The following SLC24A3 variants were observed in gnomAD, a reference collection of about 807,000 sequenced individuals.
SLC24A3 encodes the protein sodium/potassium/calcium exchanger 3.
SLC24A3 carries 28 observed loss-of-function variants against 75.8 expected under a neutral mutation model. The observed-to-expected ratio is 0.37, with a 90% CI of 0.27 to 0.51. SLC24A3 has a LOEUF of 0.51. Among genes scored for constraint, SLC24A3 ranks in the 20% least tolerant of loss-of-function variants. SLC24A3 has a pLI of 0.94. For synonymous variants in SLC24A3, 372 were observed against 334.1 expected, an observed-to-expected ratio of 1.11 and a Z score of -1.24; for missense variants, 663 against 847.8, an observed-to-expected ratio of 0.78 and a Z score of 2.71.
At chr20:19,377,982 G>A (rs565372855) in intron 2 of SLC24A3, among the ~76,000 whole-genome samples, 4 of 152,310 alleles carry the variant, frequency 2.6e-5, no homozygotes, top group East Asian at 1.9e-4. Flanking sequence ...AGTGACAGCC[G>A]AGGAGCTTTT....
chr20:19,536,572 A>G (rs1234168939), intron 3 of SLC24A3, among the ~76,000 whole-genome samples: 2 of 152,226 alleles, frequency 1.3e-5, no homozygotes, highest in Admixed American at 6.5e-5. Flanking sequence ...TGCCAAGTCA[A>G]TCCTAAGCCA....
intron 6 of SLC24A3, among the ~76,000 whole-genome samples, chr20:19,635,545 C>T (rs993952744): frequency 6.6e-6 from 1 of 152,220 alleles, no homozygotes; most frequent in Admixed American, 6.5e-5. Flanking sequence ...CTCAGTGATT[C>T]TGTGGGCCAA....
intron 3 of SLC24A3, among the ~76,000 whole-genome samples, chr20:19,570,272 C>G (rs752734886): frequency 2.0e-5 from 3 of 152,108 alleles, no homozygotes; most frequent in African/African-American, 7.2e-5. Flanking sequence ...AGAATAGCAT[C>G]GGAGATGTCT....
At chr20:19,428,012 G>A (rs1473456680) in intron 2 of SLC24A3, among the ~76,000 whole-genome samples, 2 of 152,166 alleles carry the variant, frequency 1.3e-5, no homozygotes, top group African/African-American at 4.8e-5. Context: ...GCGTTGCTGT[G>A]CTCCTCATAT....
chr20:19,718,498 A>G (rs2033065616), intron 16 of SLC24A3, among the ~76,000 whole-genome samples: 1 of 152,198 alleles, frequency 6.6e-6, no homozygotes. Flanking sequence ...AGGTTCACTA[A>G]GATCAACCTA....
intron 6 of SLC24A3, among the ~76,000 whole-genome samples, chr20:19,616,958 C>T (rs1234231185): frequency 6.6e-6 from 1 of 152,202 alleles, no homozygotes; most frequent in Non-Finnish European, 1.5e-5. Flanking sequence ...CCTACTCTTT[C>T]TTTCATCCAT....
intron 7 of SLC24A3, among the ~76,000 whole-genome samples, chr20:19,654,738 C>G (rs2032246904): frequency 1.3e-5 from 2 of 151,018 alleles, no homozygotes; most frequent in Non-Finnish European, 2.9e-5. Flanking sequence ...AGCTCCGCCT[C>G]CCGGGTCCCA....
chr20:19,720,996 C>A lies in SLC24A3; in HGVS notation c.1791C>A (p.Phe597Leu), dbSNP rs148467681. The change falls in exon 17 of 17, where the codon TTC (phenylalanine) becomes TTA (leucine). Residue 597 changes from phenylalanine to leucine, a missense_variant. Around this residue, in one of 2 missense-constraint regions of SLC24A3, gnomAD observed 510 missense variants for 703.6 expected, o/e 0.72. Transcript: ENST00000328041. ...ACCTGTTCTGTGCCCTGCAGGTGTTCGGCGTCCACCTGAACAAGTGGCAGC... is the reference window on the plus strand; with the variant it reads ...ACCTGTTCTGTGCCCTGCAGGTGTTAGGCGTCCACCTGAACAAGTGGCAGC... ...LLLASVFVTV[F>L]GVHLNKWQLD... The A allele has an allele frequency of 1.2e-6, 2 of 1,613,596 alleles. No individual in the cohort carries two copies. Among genetic ancestry groups the A allele is most frequent in the Non-Finnish European group, 1.7e-6 (2 of 1,179,924 alleles).
At position 19,682,001 on chromosome 20, in the gene SLC24A3, G is replaced by A. The variant is rs771383101; in HGVS notation, c.901+10G>A. 1.1e-5 allele frequency: 17 copies of A among 1,613,256 alleles called. No individual in the cohort carries two copies. The South Asian group carries it at 1.6e-4, about 16-fold the overall frequency. On this transcript the variant is annotated intron_variant, in intron 10 of 16. Transcript: ENST00000328041. ...GTGCTACTTAAGAAAGGTAACCAAG[G>A]AGAGCACTTTGGGGTCCAAGGCAGG...
intron 1 of SLC24A3, among the ~76,000 whole-genome samples, chr20:19,264,902 GT>G (rs1169884655): frequency 6.6e-6 from 1 of 152,110 alleles, no homozygotes; most frequent in Non-Finnish European, 1.5e-5. Context: ...TCCTGGTCTT[GT>G]TACCAGTGGC....
intron 3 of SLC24A3, among the ~76,000 whole-genome samples, chr20:19,532,591 G>A (rs955059248): frequency 4.6e-5 from 7 of 152,178 alleles, no homozygotes; most frequent in Non-Finnish European, 4.4e-5. Flanking sequence ...CCAAGCATCC[G>A]TTTTGCTACC....
intron 2 of SLC24A3, among the ~76,000 whole-genome samples, chr20:19,492,713 AT>A (rs972592227): frequency 5.3e-5 from 8 of 152,164 alleles, no homozygotes; most frequent in Non-Finnish European, 7.4e-5. Flanking sequence ...CAAAAACTGT[AT>A]TTTTTGAAGC....
intron 2 of SLC24A3, among the ~76,000 whole-genome samples, chr20:19,346,425 G>GTA (rs1985431489): frequency 6.8e-6 from 1 of 146,054 alleles, no homozygotes; most frequent in Non-Finnish European, 1.5e-5. Flanking sequence ...TATGGTGTGT[G>GTA]TATATATGGT....
chr20:19,685,300 T>A lies in SLC24A3; in HGVS notation c.1263T>A (p.Asp421Glu). ...ATGAAAATGAGGACAATGAGAATGATGAGGAGGAAGAGGAGGACGAGGATG... is the reference window on the plus strand; with the variant it reads ...ATGAAAATGAGGACAATGAGAATGAAGAGGAGGAAGAGGAGGACGAGGATG... Reference protein sequence around the residue: ...TENENEDNENDEEEEEDEDDD... With the variant: ...TENENEDNENEEEEEEDEDDD... Residue 421 changes from aspartate (D) to glutamate (E), a missense_variant, in exon 12 of 17, where the codon GAT becomes GAA. Asp to Glu is a conservative substitution (Grantham distance 45, BLOSUM62 2). Coordinates refer to ENST00000328041, the MANE Select transcript of SLC24A3 (RefSeq NM_020689.4). 1 of 1,613,882 alleles carries A rather than the reference T, an allele frequency of 6.2e-7. No homozygotes were observed. The highest frequency in any genetic ancestry group is 8.5e-7 in the Non-Finnish European group (1 of 1,179,940).
At chr20:19,593,418 G>A (rs1229481651) in intron 6 of SLC24A3, among the ~76,000 whole-genome samples, 1 of 152,232 alleles carries the variant, frequency 6.6e-6, no homozygotes, top group Non-Finnish European at 1.5e-5. Context: ...AGCCAGTCAG[G>A]CTGGCAGATG....
chr20:19,401,615 C>G (rs1255837610), intron 2 of SLC24A3, among the ~76,000 whole-genome samples: 1 of 152,198 alleles, frequency 6.6e-6, no homozygotes, highest in Non-Finnish European at 1.5e-5. Context: ...GAGAGTGGAG[C>G]AGCTGCTGTC....
intron 2 of SLC24A3, among the ~76,000 whole-genome samples, chr20:19,438,783 G>C (rs1456494350): frequency 3.3e-5 from 5 of 152,068 alleles, no homozygotes; most frequent in Non-Finnish European, 7.4e-5. Flanking sequence ...GCCACTCATT[G>C]GTCTCTGCCC....
intron 2 of SLC24A3, among the ~76,000 whole-genome samples, chr20:19,404,871 C>G (rs1986615301): frequency 6.6e-6 from 1 of 152,176 alleles, no homozygotes; most frequent in South Asian, 2.1e-4. Context: ...GCAAGATGGT[C>G]TTGCATTCCT....
chr20:19,575,686 G>A (rs1012145304), intron 3 of SLC24A3, among the ~76,000 whole-genome samples: 1 of 152,250 alleles, frequency 6.6e-6, no homozygotes, highest in African/African-American at 2.4e-5. Context: ...ATTCCAGGGT[G>A]AGTTACAGCA....
Sources: gnomAD v4.1 joint callset for allele counts (sites outside exome capture counted in the v4.1 genomes callset) on GRCh38, gnomAD v4.1.1 for gene constraint, gnomAD v4.1.1 regional missense constraint, MANE v1.5 for transcripts, NCBI Gene and HGNC (gene_info 2026-07-23, HGNC 2026-07-21) for gene names.